SPAG17: variants seen among roughly 807,000 people sequenced by gnomAD.
The protein encoded by SPAG17 is sperm associated antigen 17.
In SPAG17, 169 loss-of-function variants were observed where a neutral mutation model predicts 273.6. That is an observed-to-expected ratio of 0.62 (90% CI 0.55 to 0.70). The LOEUF is 0.70. Among genes scored for constraint, SPAG17 ranks in the 30% least tolerant of loss-of-function variants. SPAG17 has a pLI of 0.00. For missense variants in SPAG17, 2,557 were observed against 2,627.8 expected (o/e 0.97, Z 0.59); for synonymous variants, 825 against 873.2 (o/e 0.94, Z 0.97).
chr1:118,175,065 C>T (rs892395980), intron 1 of SPAG17, among the ~76,000 whole-genome samples: 7 of 152,034 alleles, frequency 4.6e-5, no homozygotes, highest in African/African-American at 1.7e-4. Flanking sequence ...GAGCCTCACT[C>T]TGTTGCCCAG....
At chr1:118,055,652 T>C (rs1382837856) in intron 19 of SPAG17, 81 bp downstream of exon 19, 4 of 1,192,408 alleles carry the variant, frequency 3.4e-6, no homozygotes, top group Non-Finnish European at 4.8e-6. Context: ...ATATTGAAAA[T>C]ATTCACAGTC....
At chr1:118,038,948 A>T (rs1276575088) in intron 23 of SPAG17, among the ~76,000 whole-genome samples, 1 of 152,180 alleles carries the variant, frequency 6.6e-6, no homozygotes, top group Non-Finnish European at 1.5e-5. Flanking sequence ...TAGGTTCATC[A>T]ACTGTAACAA....
intron 1 of SPAG17, among the ~76,000 whole-genome samples, chr1:118,173,281 C>T (rs150504826): frequency 6.6e-6 from 1 of 152,128 alleles, no homozygotes; most frequent in Non-Finnish European, 1.5e-5. Flanking sequence ...TTCATGTCCT[C>T]CCTGAGGTGG....
chr1:118,087,042 A>AG, intron 10 of SPAG17, 34 bp from the exon 11 acceptor site: 1 of 1,535,334 alleles, frequency 6.5e-7, no homozygotes, highest in South Asian at 1.3e-5. Context: ...AATTGGTGTA[A>AG]GGGTCCGCTC....
Position 118,025,410 on chromosome 1 carries a change from T to C in SPAG17, c.3737A>G (p.Tyr1246Cys). ...CCAGGTGGGTTCCTCATCTATAACA[T>C]ATTGACCTAAAAAAAGAATAAAGCC... is the stretch of plus-strand genomic sequence containing the variant. ...TFIGQESTGQ[Y>C]VIDEEPTWDI... Residue 1246 changes from tyrosine (Y) to cysteine (C), a missense_variant, in exon 27 of 49, where the codon TAT becomes TGT. Coordinates refer to ENST00000336338, the MANE Select transcript of SPAG17 (RefSeq NM_206996.4). The C allele has an allele frequency of 1.3e-6, 2 of 1,542,236 alleles. No individual in the cohort carries two copies. Among genetic ancestry groups the C allele is most frequent in the South Asian group, 1.3e-5 (1 of 79,724 alleles).
intron 28 of SPAG17, among the ~76,000 whole-genome samples, chr1:118,021,704 T>C (rs892560777): frequency 6.6e-6 from 1 of 152,122 alleles, no homozygotes; most frequent in African/African-American, 2.4e-5. Flanking sequence ...CTAAAAATAG[T>C]CTATTAATTT....
chr1:118,149,581 C>T (rs900046538), intron 3 of SPAG17, among the ~76,000 whole-genome samples: 8 of 152,112 alleles, frequency 5.3e-5, no homozygotes, highest in Admixed American at 2.0e-4. Context: ...TGATGGTGAG[C>T]GCCGCGTAGC....
At position 118,093,813 on chromosome 1, in the gene SPAG17, C is replaced by T. The variant is rs187181569; in HGVS notation, c.1012-496G>A. On this transcript the variant is annotated intron_variant, in intron 7 of 48. Transcript: ENST00000336338. The stretch of plus-strand genomic sequence containing the variant: ...AGTATGTGGGCAATCAGTATTTCTT[C>T]TTTTCCTCCAAGCTCCACTTCTTTC... Among the ~76,000 whole-genome samples, 6 of 152,330 alleles carry T rather than the reference C, an allele frequency of 3.9e-5. No homozygotes were observed. In the East Asian group the frequency reaches 7.7e-4, roughly 20 times the overall value.
chr1:118,056,020 G>C, intron 18 of SPAG17, 106 bp from the exon 19 acceptor site: 1 of 857,442 alleles, frequency 1.2e-6, no homozygotes, highest in Admixed American at 2.7e-5. Flanking sequence ...AAAATATAAT[G>C]AGTTTGAATA....
At chr1:118,047,146 G>A (rs909351313) in intron 20 of SPAG17, among the ~76,000 whole-genome samples, 4 of 152,126 alleles carry the variant, frequency 2.6e-5, no homozygotes, top group African/African-American at 9.7e-5. Context: ...GAATAGGAAT[G>A]CCAGTGATTT....
chr1:118,066,677 GTAAC>G lies in SPAG17; in HGVS notation c.2540+64_2540+67del, dbSNP rs756224735. On this transcript the variant is annotated intron_variant, in intron 18 of 48. Coordinates refer to ENST00000336338, the MANE Select transcript of SPAG17 (RefSeq NM_206996.4). ...CTTAGGGTAAGGAACTAACACCTAAGTAACTAAGTAACTGGCAAGCTAACTAAAC... is the reference window on the plus strand; with the variant it reads ...CTTAGGGTAAGGAACTAACACCTAAGTAAGTAACTGGCAAGCTAACTAAAC... 9.1e-4 allele frequency: 1,260 copies of G among 1,380,834 alleles called. 4 individuals are homozygous for G. Among genetic ancestry groups the G allele is most frequent in the Admixed American group, 1.3e-3 (72 of 54,546 alleles). The allele number at this position is 1,380,834 out of a possible 1,614,324, so 85.5% of individuals were successfully genotyped here.
chr1:117,955,300 A>G, intron 48 of SPAG17: 2 of 1,610,166 alleles, frequency 1.2e-6, no homozygotes, highest in Non-Finnish European at 1.7e-6. Context: ...AATGGTATTA[A>G]TCCTTCCTTT....
At chr1:117,963,588 TCTC>T (rs542869679) in intron 48 of SPAG17, 185 of 333,160 alleles carry the variant, frequency 5.6e-4, no homozygotes, top group African/African-American at 3.7e-3. Context: ...ATGGTCTCGA[TCTC>T]CTGACCTTGT....
chr1:118,124,952 G>C (rs1010108524), intron 3 of SPAG17, among the ~76,000 whole-genome samples: 7 of 152,112 alleles, frequency 4.6e-5, no homozygotes, highest in Non-Finnish European at 7.4e-5. Flanking sequence ...ATGTGTCCTA[G>C]TCCCTCCCCA....
At chr1:118,113,983 G>A (rs1326568873) in intron 4 of SPAG17, among the ~76,000 whole-genome samples, 2 of 152,040 alleles carry the variant, frequency 1.3e-5, no homozygotes, top group African/African-American at 2.4e-5. Context: ...GTAAATTGAC[G>A]CTCTTTAGCA....
intron 26 of SPAG17, among the ~76,000 whole-genome samples, chr1:118,026,961 C>T (rs1292873082): frequency 6.6e-6 from 1 of 152,072 alleles, no homozygotes; most frequent in East Asian, 1.9e-4. Flanking sequence ...AACAGATGAG[C>T]TATTATTAAC....
intron 18 of SPAG17, among the ~76,000 whole-genome samples, chr1:118,060,672 C>T (rs554718590): frequency 6.6e-6 from 1 of 152,102 alleles, no homozygotes; most frequent in African/African-American, 2.4e-5. Context: ...TTCATTTCAA[C>T]TTGACAACTC....
In SPAG17 at chr1:117,988,185, A is replaced by G; in HGVS notation, c.5541T>C (p.Asp1847=). 6.3e-7 allele frequency: 1 copy of G among 1,599,548 alleles called. No homozygotes were observed. Among genetic ancestry groups the G allele is most frequent in the Non-Finnish European group, 8.5e-7 (1 of 1,176,212 alleles). The change falls in exon 39 of 49, where the codon GAT becomes GAC. Residue 1847 remains aspartate, a synonymous_variant. Transcript: ENST00000336338. Reference sequence around the variant, plus strand: ...GCGTAGCCAAAGACTGCTTGAATAAATCAGTTAGGTGAGCTGCAACTTTAA... The same window carrying G: ...GCGTAGCCAAAGACTGCTTGAATAAGTCAGTTAGGTGAGCTGCAACTTTAA... ...HVTEVAAHLT[D]LFKQSLATPP...
At chr1:118,182,338 G>A (rs556298670) in intron 1 of SPAG17, among the ~76,000 whole-genome samples, 1 of 152,176 alleles carries the variant, frequency 6.6e-6, no homozygotes, top group African/African-American at 2.4e-5. Flanking sequence ...CGAGTGCTAA[G>A]GTTAACACTT....
Sources: gnomAD v4.1 joint callset for allele counts (sites outside exome capture counted in the v4.1 genomes callset) on GRCh38, gnomAD v4.1.1 for gene constraint, MANE v1.5 for transcripts, NCBI Gene and HGNC (gene_info 2026-07-23, HGNC 2026-07-21) for gene names.